The following PGBD5 variants were observed in gnomAD, a reference collection of about 807,000 sequenced individuals.
PGBD5 encodes the protein piggyBac transposable element-derived protein 5.
PGBD5 carries 14 observed loss-of-function variants against 47.9 expected under a neutral mutation model. The observed-to-expected ratio is 0.29, with a 90% CI of 0.19 to 0.46. PGBD5 has a LOEUF of 0.46. Among genes scored for constraint, PGBD5 ranks in the 20% least tolerant of loss-of-function variants. The pLI, the probability that PGBD5 is intolerant of heterozygous loss-of-function variation, is 1.00. For missense variants in PGBD5, 635 were observed against 716.0 expected (o/e 0.89, Z 1.29); for synonymous variants, 316 against 306.3 (o/e 1.03, Z -0.33).
chr1:230,339,471 T>C (rs559157193), intron 3 of PGBD5, among the ~76,000 whole-genome samples: 2 of 152,072 alleles, frequency 1.3e-5, no homozygotes, highest in East Asian at 3.8e-4. Context: ...AAATTAAAAA[T>C]AGAACAACCA....
In PGBD5 at chr1:230,425,274, C is replaced by T. The variant is rs890113819; in HGVS notation, c.331+324G>A. 1.3e-5 allele frequency among the ~76,000 whole-genome samples: 2 copies of T among 152,190 alleles called. No homozygotes were observed. The highest frequency in any genetic ancestry group is 6.5e-5 in the Admixed American group (1 of 15,276). On this transcript the variant is annotated intron_variant, in intron 1 of 6. Coordinates refer to ENST00000391860, the MANE Select transcript of PGBD5 (RefSeq NM_001258311.2). This position sits in a 1 kb window ranked among gnomAD's most constrained non-coding sequence, Gnocchi z 4.7. ...CAACTAGGAAAGCCTAACTTCAATC[C>T]ACCCCTAAAAGTCCGACCCACAGGT...
At chr1:230,393,267 A>G (rs1571855314) in intron 1 of PGBD5, among the ~76,000 whole-genome samples, 1 of 102,162 alleles carries the variant, frequency 9.8e-6, no homozygotes, top group Admixed American at 1.2e-4. Context: ...GAAAAGGGGG[A>G]GGAGGAGGGA....
intron 1 of PGBD5, among the ~76,000 whole-genome samples, chr1:230,386,125 G>A (rs1027609744): frequency 7.2e-5 from 11 of 152,070 alleles, no homozygotes; most frequent in African/African-American, 1.2e-4. Context: ...TCAGGAGTTC[G>A]AGACTAGCCT....
chr1:230,363,594 A>G (rs1240506428), intron 1 of PGBD5, among the ~76,000 whole-genome samples: 1 of 151,768 alleles, frequency 6.6e-6, no homozygotes, highest in Non-Finnish European at 1.5e-5. Flanking sequence ...AAAAAAAAAA[A>G]GTGGCTTTAT....
At chr1:230,359,587 G>T (rs1667711873) in intron 1 of PGBD5, among the ~76,000 whole-genome samples, 1 of 152,188 alleles carries the variant, frequency 6.6e-6, no homozygotes, top group African/African-American at 2.4e-5. Flanking sequence ...AGTCTTAGAG[G>T]AATTTCTTAA....
intron 1 of PGBD5, among the ~76,000 whole-genome samples, chr1:230,411,595 A>T (rs890642897): frequency 6.6e-6 from 1 of 152,252 alleles, no homozygotes; most frequent in African/African-American, 2.4e-5. Context: ...AAGAAATAAT[A>T]AACCAATTCA....
At chr1:230,401,545 G>A (rs1171092951) in intron 1 of PGBD5, among the ~76,000 whole-genome samples, 2 of 152,110 alleles carry the variant, frequency 1.3e-5, no homozygotes, top group African/African-American at 2.4e-5. Context: ...ATCAAAAGGC[G>A]GCAAGACCCA....
chr1:230,393,373 CGAG>C (rs1450445097), intron 1 of PGBD5, among the ~76,000 whole-genome samples: 2 of 151,244 alleles, frequency 1.3e-5, no homozygotes, highest in African/African-American at 2.4e-5. Context: ...GGCGGGGATG[CGAG>C]GAGGAGGAGA....
At chr1:230,385,710 G>A (rs569197328) in intron 1 of PGBD5, among the ~76,000 whole-genome samples, 89 of 152,286 alleles carry the variant, frequency 5.8e-4, no homozygotes, top group African/African-American at 2.1e-3. Flanking sequence ...GGGAGAGTGT[G>A]TGTATATTTT....
intron 1 of PGBD5, among the ~76,000 whole-genome samples, chr1:230,375,353 C>T (rs1001983045): frequency 4.6e-5 from 7 of 152,104 alleles, no homozygotes; most frequent in African/African-American, 1.7e-4. Flanking sequence ...AAGCAAGGTC[C>T]CTGATTAGAG....
rs1425142190 is a variant in PGBD5 at position 230,318,824 on chromosome 1, A to G, written c.*4601T>C. The G allele has an allele frequency of 6.6e-6, 1 of 152,384 alleles. No individual in the cohort carries two copies. Among genetic ancestry groups the G allele is most frequent in the Non-Finnish European group, 1.5e-5 (1 of 68,208 alleles). The allele number at this position is 152,384 out of a possible 1,614,324, so 9.4% of individuals were successfully genotyped here. ...TTCTGGCTCAGGGTCTGGTGTGGCCAAGGGCTTGCCCTGTCCAAATGCCCC... is the reference window on the plus strand; with the variant it reads ...TTCTGGCTCAGGGTCTGGTGTGGCCGAGGGCTTGCCCTGTCCAAATGCCCC... On this transcript the variant is annotated 3_prime_UTR_variant, in exon 7 of 7. Transcript: ENST00000391860.
chr1:230,370,124 C>T (rs828436), intron 1 of PGBD5, among the ~76,000 whole-genome samples: 25,123 of 152,184 alleles, frequency 0.17, 2,929 homozygotes, highest in Non-Finnish European at 0.23. Flanking sequence ...AGGGAAAGGA[C>T]GGGGATGGAG....
At chr1:230,359,717 C>A (rs1190219505) in intron 1 of PGBD5, among the ~76,000 whole-genome samples, 3 of 152,130 alleles carry the variant, frequency 2.0e-5, no homozygotes, top group Non-Finnish European at 4.4e-5. Flanking sequence ...GGTGCCTGGC[C>A]CTAAGGGAGG....
chr1:230,362,951 G>A (rs1667770815), intron 1 of PGBD5, among the ~76,000 whole-genome samples: 1 of 152,120 alleles, frequency 6.6e-6, no homozygotes, highest in Non-Finnish European at 1.5e-5. Context: ...TGAAAGTACA[G>A]TGGGCACACC....
chr1:230,368,207 C>T, intron 1 of PGBD5: 3 of 1,322,990 alleles, frequency 2.3e-6, no homozygotes, highest in South Asian at 1.2e-5. Flanking sequence ...AAGCTGAAAG[C>T]TGACCACTGA....
At chr1:230,343,105 T>G (rs1373324406) in intron 3 of PGBD5, among the ~76,000 whole-genome samples, 2 of 152,180 alleles carry the variant, frequency 1.3e-5, no homozygotes, top group Admixed American at 1.3e-4. Context: ...ATTGCCCAGT[T>G]TCTCTCTCAG....
At chr1:230,342,377 G>A (rs1302048937) in intron 3 of PGBD5, among the ~76,000 whole-genome samples, 2 of 152,202 alleles carry the variant, frequency 1.3e-5, no homozygotes. Flanking sequence ...GTATCACATC[G>A]TAGGGACTGG....
At chr1:230,423,101 A>G (rs1350704138) in intron 1 of PGBD5, among the ~76,000 whole-genome samples, 2 of 152,078 alleles carry the variant, frequency 1.3e-5, no homozygotes, top group African/African-American at 4.8e-5. Context: ...ACATTTACAT[A>G]CCCGCACATT....
At position 230,322,240 on chromosome 1, in the gene PGBD5, T is replaced by A. The variant is rs746340694; in HGVS notation, c.*1185A>T. ...CGCTGCCAGTGCCGGGCACGCAGCC[T>A]CTCCAGTCCTGCCGTCAGCAACCGC... On this transcript the variant is annotated 3_prime_UTR_variant, in exon 7 of 7. Coordinates refer to ENST00000391860, the MANE Select transcript of PGBD5 (RefSeq NM_001258311.2). The surrounding 1 kb of genome is among the most constrained non-coding windows in gnomAD (Gnocchi z 5.9). The A allele has an allele frequency of 2.4e-4, 37 of 152,286 alleles. No homozygotes were observed. Among genetic ancestry groups the A allele is most frequent in the African/African-American group, 8.2e-4 (34 of 41,534 alleles). 9.4% of individuals were successfully genotyped at this position (152,286 alleles called of 1,614,324 possible).
Sources: gnomAD v4.1 joint callset for allele counts (sites outside exome capture counted in the v4.1 genomes callset) on GRCh38, gnomAD v4.1.1 for gene constraint, Gnocchi (gnomAD v3.1) non-coding constraint, MANE v1.5 for transcripts, NCBI Gene and HGNC (gene_info 2026-07-23, HGNC 2026-07-21) for gene names.